CALN1: variants seen among roughly 807,000 people sequenced by gnomAD.
CALN1 encodes calcium-binding protein 8.
A neutral mutation model predicts 30.6 loss-of-function variants in CALN1; 17 were observed. The observed-to-expected ratio is 0.56, with a 90% confidence interval of 0.38 to 0.83. CALN1 has a LOEUF of 0.83. CALN1 is among the 40% of genes least tolerant of loss of function. The pLI is 0.00. For synonymous variants in CALN1, 156 were observed against 131.4 expected (o/e 1.19, Z -1.28); for missense variants, 291 against 354.9 (o/e 0.82, Z 1.45).
chr7:71,967,639 A>G lies in CALN1; in HGVS notation c.501+56018T>C, dbSNP rs75995906. On this transcript the variant is annotated intron_variant, in intron 5 of 6. Coordinates refer to ENST00000395275, the MANE Select transcript of CALN1 (RefSeq NM_031468.4). ...AGACCCTGTTTCAAAAAAAAAAAAA[A>G]AAAGAAAGAAAAGAAAAGAAAAGAA... Among the ~76,000 whole-genome samples, 19 of 142,678 alleles carry G rather than the reference A, an allele frequency of 1.3e-4. 1 individual carries two copies. Among genetic ancestry groups the G allele is most frequent in the East Asian group, 8.3e-4 (4 of 4,806 alleles). The allele number at this position is 142,678 out of a possible 152,430, so 93.6% of individuals were successfully genotyped here.
At chr7:72,404,944 G>A (rs750730545) in intron 1 of CALN1, among the ~76,000 whole-genome samples, 5 of 152,134 alleles carry the variant, frequency 3.3e-5, no homozygotes, top group African/African-American at 4.8e-5. Flanking sequence ...AATGAATGAC[G>A]GACAGACACA....
At chr7:72,494,422 G>C in the CALN1 span, among the ~76,000 whole-genome samples, 1 of 152,220 alleles carries the variant, frequency 6.6e-6, no homozygotes, top group South Asian at 2.1e-4. Flanking sequence ...CGCCGTGCCA[G>C]GCACTGTCCT....
At chr7:72,357,396 G>A (rs1262318167) in intron 2 of CALN1, among the ~76,000 whole-genome samples, 2 of 151,932 alleles carry the variant, frequency 1.3e-5, no homozygotes, top group Non-Finnish European at 2.9e-5. Flanking sequence ...ATGTTAATGA[G>A]TCCCAGCTTT....
At chr7:72,113,117 T>C (rs142155732) in intron 3 of CALN1, among the ~76,000 whole-genome samples, 3 of 152,246 alleles carry the variant, frequency 2.0e-5, no homozygotes, top group Middle Eastern at 3.4e-3. Context: ...CAAAATCTCA[T>C]GTTGAAATTT....
intron 3 of CALN1, among the ~76,000 whole-genome samples, chr7:72,179,724 C>T (rs1789620812): frequency 6.6e-6 from 1 of 152,068 alleles, no homozygotes; most frequent in Admixed American, 6.6e-5. Context: ...GCCACATTTG[C>T]TTCATCTTTT....
intron 3 of CALN1, among the ~76,000 whole-genome samples, chr7:72,261,239 C>T (rs1796252383): frequency 6.6e-6 from 1 of 152,156 alleles, no homozygotes; most frequent in East Asian, 1.9e-4. Flanking sequence ...ACCTGGGAGG[C>T]AGAGGTTGCA....
chr7:71,945,910 C>A (rs1273209868), intron 5 of CALN1, among the ~76,000 whole-genome samples: 1 of 152,190 alleles, frequency 6.6e-6, no homozygotes. Flanking sequence ...CAAAACAGGT[C>A]CCTGGTGCCA....
At chr7:72,346,752 G>C (rs918202438) in intron 2 of CALN1, among the ~76,000 whole-genome samples, 1 of 152,126 alleles carries the variant, frequency 6.6e-6, no homozygotes, top group Admixed American at 6.6e-5. Context: ...CTGACCTCAA[G>C]TGATCCACCC....
At chr7:71,847,460 G>A (rs1790330036) in intron 5 of CALN1, among the ~76,000 whole-genome samples, 1 of 151,766 alleles carries the variant, frequency 6.6e-6, no homozygotes, top group Non-Finnish European at 1.5e-5. Context: ...GACCAGCCTG[G>A]CCAACATGGT....
intron 5 of CALN1, among the ~76,000 whole-genome samples, chr7:71,817,575 G>A (rs1341855615): frequency 1.3e-5 from 2 of 152,162 alleles, no homozygotes; most frequent in Non-Finnish European, 2.9e-5. Context: ...GAGTGCAGTG[G>A]TGTGATCTCA....
At chr7:72,439,582 C>CT (rs11458809) in intron 1 of CALN1, among the ~76,000 whole-genome samples, 74,854 of 143,660 alleles carry the variant, frequency 0.52, 19,700 homozygotes, top group African/African-American at 0.64. Flanking sequence ...GTCGTTTATT[C>CT]TTTTTTTTTT....
At chr7:71,865,323 C>T (rs1388758541) in intron 5 of CALN1, among the ~76,000 whole-genome samples, 1 of 152,180 alleles carries the variant, frequency 6.6e-6, no homozygotes, top group Admixed American at 6.6e-5. Context: ...CTATCTCTTC[C>T]TCCAGCTCTG....
At chr7:72,469,966 G>T in the CALN1 span, among the ~76,000 whole-genome samples, 1 of 152,096 alleles carries the variant, frequency 6.6e-6, no homozygotes, top group East Asian at 1.9e-4. Context: ...GGGAGATGGG[G>T]CAGTATAGAG....
At chr7:72,376,484 T>A (rs1449040811) in intron 2 of CALN1, among the ~76,000 whole-genome samples, 1 of 152,228 alleles carries the variant, frequency 6.6e-6, no homozygotes, top group Non-Finnish European at 1.5e-5. Flanking sequence ...GCATCTTTCA[T>A]GTGCTTACTG....
Position 71,808,640 on chromosome 7 carries a change from T to G in CALN1, c.658+1696A>C, listed in dbSNP as rs189239072. ...TTCGAATTTAGATTATTTCCCAGTA[T>G]AGCCTGACCTTTCCCAAATTACTAA... On this transcript the variant is annotated intron_variant, in intron 6 of 6. Coordinates refer to ENST00000395275, the MANE Select transcript of CALN1 (RefSeq NM_031468.4). Among the ~76,000 whole-genome samples the G allele has an allele frequency of 2.1e-3, 323 of 152,266 alleles. 4 individuals are homozygous for G. The highest frequency in any genetic ancestry group is 9.3e-4 in the Non-Finnish European group (63 of 68,024).
chr7:72,035,734 T>C (rs1801753449), intron 4 of CALN1, among the ~76,000 whole-genome samples: 1 of 152,246 alleles, frequency 6.6e-6, no homozygotes, highest in South Asian at 2.1e-4. Context: ...ACTACTCCTT[T>C]ACATTTCCAT....
intron 5 of CALN1, among the ~76,000 whole-genome samples, chr7:71,928,662 TAG>T (rs375489014): frequency 6.6e-6 from 1 of 152,154 alleles, no homozygotes; most frequent in African/African-American, 2.4e-5. Context: ...TGGTTTTTTG[TAG>T]AGTCACAGAG....
chr7:71,976,452 C>T (rs578032366), intron 5 of CALN1, among the ~76,000 whole-genome samples: 40 of 152,308 alleles, frequency 2.6e-4, no homozygotes, highest in African/African-American at 9.1e-4. Context: ...ATGGGAGCAG[C>T]CTGTGTCCTG....
chr7:72,159,014 G>T (rs1787916165), intron 3 of CALN1, among the ~76,000 whole-genome samples: 1 of 151,826 alleles, frequency 6.6e-6, no homozygotes, highest in African/African-American at 2.4e-5. Context: ...CACTATGCCT[G>T]GCTAATTTTT....
Sources: gnomAD v4.1 joint callset for allele counts (sites outside exome capture counted in the v4.1 genomes callset) on GRCh38, gnomAD v4.1.1 for gene constraint, MANE v1.5 for transcripts, NCBI Gene and HGNC (gene_info 2026-07-23, HGNC 2026-07-21) for gene names.